GCA: variants seen among roughly 807,000 people sequenced by gnomAD.
GCA encodes grancalcin.
GCA carries 30 observed loss-of-function variants against 32.6 expected under a neutral mutation model. The ratio of observed to expected loss-of-function variants is 0.92; its 90% confidence interval spans 0.69 to 1.25. The LOEUF (loss-of-function observed/expected upper bound fraction) is 1.25, where lower values mean the gene tolerates loss of function less well. Among genes scored for constraint, GCA ranks in the 50% most tolerant of loss-of-function variants. The probability of loss-of-function intolerance (pLI) is 0.00; values close to 1 mark genes in which losing one functional copy is unlikely to be tolerated. For synonymous variants in GCA, 102 were observed against 84.6 expected (o/e 1.21, Z -1.13); for missense variants, 291 against 266.8 (o/e 1.09, Z -0.63).
chr2:162,334,264 AT>A (rs369397854), intron 1 of GCA, among the ~76,000 whole-genome samples: 30 of 148,670 alleles, frequency 2.0e-4, no homozygotes, highest in East Asian at 1.2e-3. Context: ...ACAATTATAG[AT>A]TTTTTTTTTT....
chr2:162,359,286 G>A (rs868518097), intron 6 of GCA, 129 bp downstream of exon 6: 8 of 659,944 alleles, frequency 1.2e-5, no homozygotes, highest in Non-Finnish European at 1.9e-5. Context: ...AATCTAATTA[G>A]TTTAAAGGCT....
rs185262532 is a variant in GCA at position 162,346,573 on chromosome 2, C to G, written c.28-1005C>G. On this transcript the variant is annotated intron_variant, in intron 1 of 7. Coordinates refer to ENST00000437150, the MANE Select transcript of GCA (RefSeq NM_012198.5). ...AAGAGGACTGGCAGCTTCTCTTTCTCTCTCTTAGAAGCTGACTGCCAAGCT... is the reference window on the plus strand; with the variant it reads ...AAGAGGACTGGCAGCTTCTCTTTCTGTCTCTTAGAAGCTGACTGCCAAGCT... 3.9e-5 allele frequency: 6 copies of G among 152,330 alleles called. No individual in the cohort carries two copies. The East Asian group carries it at 9.6e-4, about 24-fold the overall frequency. The allele number at this position is 152,330 out of a possible 1,614,324, so 9.4% of individuals were successfully genotyped here. A position where few individuals can be genotyped will look rare whatever the true frequency, so the allele number is the denominator to read the frequency against.
At chr2:162,327,995 C>G (rs1683945763) in intron 1 of GCA, among the ~76,000 whole-genome samples, 1 of 152,180 alleles carries the variant, frequency 6.6e-6, no homozygotes, top group South Asian at 2.1e-4. Flanking sequence ...CCTCGTCTGC[C>G]TGGGCTCCCA....
intron 4 of GCA, chr2:162,371,205 A>C: frequency 2.5e-6 from 1 of 392,182 alleles, no homozygotes; most frequent in Non-Finnish European, 4.8e-6. Flanking sequence ...TTAAATAGAA[A>C]GACCTTTGTT....
intron 1 of GCA, among the ~76,000 whole-genome samples, chr2:162,333,543 G>A (rs1684166869): frequency 6.6e-6 from 1 of 152,050 alleles, no homozygotes; most frequent in South Asian, 2.1e-4. Context: ...ATTTAGCATA[G>A]ATGATTTCAT....
At chr2:162,364,114 A>G (rs1291073698), downstream of GCA, among the ~76,000 whole-genome samples, 11 of 151,508 alleles carry the variant, frequency 7.3e-5, no homozygotes. Flanking sequence ...TAATTCTGAC[A>G]TATTGTGAGA....
upstream of GCA, among the ~76,000 whole-genome samples, chr2:162,339,349 T>C (rs1684369127): frequency 6.6e-6 from 1 of 152,182 alleles, no homozygotes; most frequent in Non-Finnish European, 1.5e-5. Flanking sequence ...TTATTGCATG[T>C]AGATCAATTA....
downstream of GCA, among the ~76,000 whole-genome samples, chr2:162,372,615 G>T (rs1398729848): frequency 6.6e-6 from 1 of 152,062 alleles, no homozygotes; most frequent in Non-Finnish European, 1.5e-5. Flanking sequence ...TAGAAGTATT[G>T]CGTTATTTTC....
chr2:162,373,492 C>T (rs770314357), downstream of GCA: 14 of 1,551,490 alleles, frequency 9.0e-6, no homozygotes, highest in East Asian at 2.4e-5. Context: ...GCTGAAACTT[C>T]GGTCAGTTTT....
chr2:162,351,588 G>A (rs1425687045), intron 2 of GCA, among the ~76,000 whole-genome samples: 3 of 152,086 alleles, frequency 2.0e-5, no homozygotes, highest in African/African-American at 7.2e-5. Flanking sequence ...GTTTAGAAAA[G>A]TTTTTTGTTT....
At chr2:162,325,802 A>G (rs1367412588) in intron 1 of GCA, among the ~76,000 whole-genome samples, 1 of 152,156 alleles carries the variant, frequency 6.6e-6, no homozygotes, top group Non-Finnish European at 1.5e-5. Context: ...GAGAGTTCAA[A>G]TATTTAGGTG....
In GCA at chr2:162,361,081, T is replaced by C. The variant is rs1046683673; in HGVS notation, c.*838T>C. ...ATTGTTGTTTAAATGTAATGTCAAC[T>C]CTTTATAAACTTAAAAATAAACAAG... is the stretch of plus-strand genomic sequence containing the variant. On this transcript the variant is annotated 3_prime_UTR_variant, in exon 8 of 8. Transcript: ENST00000437150. 1.1e-6 allele frequency: 1 copy of C among 948,660 alleles called. No homozygotes were observed. Among genetic ancestry groups the C allele is most frequent in the East Asian group, 9.8e-5 (1 of 10,244 alleles). The allele number at this position is 948,660 out of a possible 1,614,324, so 58.8% of individuals were successfully genotyped here.
At chr2:162,336,608 T>C (rs75232675) in intron 1 of GCA, among the ~76,000 whole-genome samples, 1,578 of 152,282 alleles carry the variant, frequency 0.01, 18 homozygotes, top group Non-Finnish European at 0.016. Context: ...GTCCTTACTA[T>C]AATCCTGGAA....
At chr2:162,343,875 T>C (rs1262405675), upstream of GCA, among the ~76,000 whole-genome samples, 2 of 152,166 alleles carry the variant, frequency 1.3e-5, no homozygotes, top group East Asian at 3.9e-4. Context: ...GGAATTCCGT[T>C]GCAGCAGCCA....
Position 162,347,575 on chromosome 2 carries a change from T to C in GCA, c.28-3T>C. 1 of 1,595,066 alleles carries C rather than the reference T, an allele frequency of 6.3e-7. No homozygotes were observed. Among genetic ancestry groups the C allele is most frequent in the Non-Finnish European group, 8.6e-7 (1 of 1,166,652 alleles). On this transcript the variant is annotated splice_region_variant and splice_polypyrimidine_tract_variant and intron_variant, in intron 1 of 7. Coordinates refer to ENST00000437150, the MANE Select transcript of GCA (RefSeq NM_012198.5). ...CTAACCTTCTCCCCTTTCACTATTA[T>C]AGTTTGGAAATTTTAGCATTCAGGT... is the stretch of plus-strand genomic sequence containing the variant.
At chr2:162,347,780 A>C (rs139321570) in intron 2 of GCA, 38 bp downstream of exon 2, 2 of 1,267,136 alleles carry the variant, frequency 1.6e-6, no homozygotes, top group East Asian at 5.0e-5. Flanking sequence ...ATGTCTTTAA[A>C]ATTATTGTTT....
At chr2:162,338,569 T>C (rs1341486983) in intron 1 of GCA, among the ~76,000 whole-genome samples, 1 of 152,148 alleles carries the variant, frequency 6.6e-6, no homozygotes, top group Non-Finnish European at 1.5e-5. Context: ...AACACCAACA[T>C]AACAGAATTT....
chr2:162,356,050 C>A (rs1023221258), intron 3 of GCA, among the ~76,000 whole-genome samples: 2 of 152,092 alleles, frequency 1.3e-5, no homozygotes, highest in Middle Eastern at 6.8e-3. Context: ...TACTTTAATG[C>A]AAGTTTTGTG....
intron 3 of GCA, among the ~76,000 whole-genome samples, chr2:162,354,712 C>G (rs1055467662): frequency 2.6e-5 from 4 of 152,200 alleles, no homozygotes; most frequent in African/African-American, 7.2e-5. Flanking sequence ...TCCATTTTCT[C>G]AGATCTAGGT....
Sources: gnomAD v4.1 joint callset for allele counts (sites outside exome capture counted in the v4.1 genomes callset) on GRCh38, gnomAD v4.1.1 for gene constraint, MANE v1.5 for transcripts, NCBI Gene and HGNC (gene_info 2026-07-23, HGNC 2026-07-21) for gene names.